DHRSX: variants seen among roughly 807,000 people sequenced by gnomAD.
The protein encoded by DHRSX is dehydrogenase/reductase X-linked, also known as polyprenol dehydrogenase.
DHRSX carries 31 observed loss-of-function variants against 34.0 expected under a neutral mutation model. That is an observed-to-expected ratio of 0.91 (90% CI 0.69 to 1.23). The LOEUF (loss-of-function observed/expected upper bound fraction) is 1.23, where lower values mean the gene tolerates loss of function less well. Among genes scored for constraint, DHRSX ranks in the 50% most tolerant of loss-of-function variants. The pLI is 0.00. For synonymous variants in DHRSX, 201 were observed against 183.8 expected, an observed-to-expected ratio of 1.09 and a Z score of -0.76; for missense variants, 414 against 428.1, an observed-to-expected ratio of 0.97 and a Z score of 0.29.
chrX:2,475,211 G>A (rs1226212009), intron 1 of DHRSX, among the ~76,000 whole-genome samples: 1 of 151,234 alleles, frequency 6.6e-6, no homozygotes, highest in Admixed American at 6.6e-5. Flanking sequence ...CCCTAAGAAT[G>A]CAGCTGGCAC....
At chrX:2,444,972 C>T (rs1257924646) in intron 1 of DHRSX, among the ~76,000 whole-genome samples, 8 of 152,266 alleles carry the variant, frequency 5.3e-5, no homozygotes, top group African/African-American at 1.9e-4. Context: ...GCCTGGCCAA[C>T]ATGGAGAAAC....
chrX:2,386,533 T>A (rs1276141377), intron 3 of DHRSX, among the ~76,000 whole-genome samples: 23 of 152,166 alleles, frequency 1.5e-4, no homozygotes, highest in Non-Finnish European at 3.4e-4. Context: ...ATTCAAGAAT[T>A]CATTAGGAAC....
At chrX:2,259,373 TAG>T (rs1266100638) in intron 5 of DHRSX, among the ~76,000 whole-genome samples, 3 of 74,796 alleles carry the variant, frequency 4.0e-5, no homozygotes, top group Admixed American at 1.2e-4. Flanking sequence ...TAGATATATA[TAG>T]ATATATATAT....
chrX:2,288,402 A>AC (rs2041829897), intron 4 of DHRSX, among the ~76,000 whole-genome samples: 1 of 151,988 alleles, frequency 6.6e-6, no homozygotes, highest in African/African-American at 2.4e-5. Context: ...TGCCCAGCTA[A>AC]TTTTGTATTT....
intron 6 of DHRSX, among the ~76,000 whole-genome samples, chrX:2,236,890 A>T (rs1017299219): frequency 1.8e-4 from 27 of 151,906 alleles, no homozygotes; most frequent in Admixed American, 1.7e-3. Context: ...TAATAAAAAA[A>T]AAAAAAGAAA....
intron 3 of DHRSX, among the ~76,000 whole-genome samples, chrX:2,371,883 C>T: frequency 6.6e-6 from 1 of 152,256 alleles, no homozygotes; most frequent in South Asian, 2.1e-4. Context: ...GAAAGGTGTA[C>T]CTCACTGCTG....
intron 1 of DHRSX, among the ~76,000 whole-genome samples, chrX:2,467,626 CAT>C (rs2044516891): frequency 7.4e-6 from 1 of 135,128 alleles, no homozygotes; most frequent in Non-Finnish European, 1.6e-5. Context: ...GTGGAAGACT[CAT>C]GTGTCATAGG....
chrX:2,463,473 A>G (rs1242595511), intron 1 of DHRSX, among the ~76,000 whole-genome samples: 1 of 150,582 alleles, frequency 6.6e-6, no homozygotes, highest in Non-Finnish European at 1.5e-5. Context: ...AAAGAAACAC[A>G]CTAGAGGTCT....
intron 1 of DHRSX, among the ~76,000 whole-genome samples, chrX:2,439,610 T>C (rs2044038888): frequency 6.6e-6 from 1 of 152,156 alleles, no homozygotes; most frequent in South Asian, 2.1e-4. Context: ...CACCATCGTG[T>C]AGAATCAGTG....
intron 5 of DHRSX, among the ~76,000 whole-genome samples, chrX:2,263,971 C>T (rs1398228909): frequency 2.0e-5 from 3 of 152,226 alleles, no homozygotes; most frequent in African/African-American, 7.2e-5. Context: ...ACCAATGCCA[C>T]CTGCAGATGC....
At chrX:2,282,787 A>AGG (rs2041736324) in intron 4 of DHRSX, among the ~76,000 whole-genome samples, 1 of 47,166 alleles carries the variant, frequency 2.1e-5, no homozygotes, top group Admixed American at 2.0e-4. Context: ...GGAGGGGGAG[A>AGG]GAGAGAAGAA....
chrX:2,485,330 A>G (rs1285177053), intron 1 of DHRSX, among the ~76,000 whole-genome samples: 1 of 151,888 alleles, frequency 6.6e-6, no homozygotes, highest in African/African-American at 2.4e-5. Context: ...TCAACCCAAA[A>G]CGTGCAAGAA....
At chrX:2,291,454 T>G in intron 4 of DHRSX, 48 bp downstream of exon 4, 1 of 1,430,642 alleles carries the variant, frequency 7.0e-7, no homozygotes, top group Non-Finnish European at 9.8e-7. Context: ...GAGTTCCTGT[T>G]TGCATTCAAA....
chrX:2,249,674 C>G (rs1239181090), intron 5 of DHRSX, among the ~76,000 whole-genome samples: 1 of 151,444 alleles, frequency 6.6e-6, no homozygotes, highest in Admixed American at 6.6e-5. Context: ...CAGGCGCCTA[C>G]CATCACGCCC....
chrX:2,425,171 A>T lies in DHRSX; in HGVS notation c.217+26T>A, dbSNP rs774557300. ...AAAAAAAAAACCGAAAAAACAAAAA[A>T]CACAAGTAACTGTAAAAGTCATCAC... On this transcript the variant is annotated intron_variant, in intron 2 of 6. Transcript: ENST00000334651. 7.7e-6 allele frequency: 12 copies of T among 1,563,458 alleles called. No homozygotes were observed. The Admixed American group carries it at 1.2e-4, about 15-fold the overall frequency.
chrX:2,383,588 G>C (rs1487033914), intron 3 of DHRSX, among the ~76,000 whole-genome samples: 1 of 152,132 alleles, frequency 6.6e-6, no homozygotes, highest in African/African-American at 2.4e-5. Flanking sequence ...TCATTCATGA[G>C]ATCCCACAAT....
chrX:2,397,291 G>A (rs941775957), intron 3 of DHRSX, among the ~76,000 whole-genome samples: 6 of 152,080 alleles, frequency 3.9e-5, no homozygotes, highest in African/African-American at 1.4e-4. Context: ...ACCCCACCAA[G>A]CCAGACTGAT....
At chrX:2,293,646 T>C (rs2041893736) in intron 3 of DHRSX, among the ~76,000 whole-genome samples, 1 of 152,086 alleles carries the variant, frequency 6.6e-6, no homozygotes, top group African/African-American at 2.4e-5. Context: ...CAGAGGCTGG[T>C]TCTGGGCTGG....
chrX:2,459,544 C>CTGTG (rs1194580975), intron 1 of DHRSX, among the ~76,000 whole-genome samples: 1 of 68,590 alleles, frequency 1.5e-5, no homozygotes, highest in East Asian at 3.9e-4. Context: ...GAATGTGTGT[C>CTGTG]TGTGTGTATA....
Sources: allele counts gnomAD v4.1 joint callset (sites outside exome capture counted in the v4.1 genomes callset), GRCh38; gene constraint gnomAD v4.1.1; transcripts MANE v1.5; gene names NCBI Gene and HGNC (gene_info 2026-07-23, HGNC 2026-07-21).